Variants in CLASP1 observed in about 807,000 individuals in gnomAD.
The protein encoded by CLASP1 is CLIP-associating protein 1.
Under a neutral mutation model 192.3 loss-of-function variants are expected in CLASP1, and 38 were observed. The ratio of observed to expected loss-of-function variants is 0.20; its 90% CI spans 0.15 to 0.26. CLASP1 has a LOEUF of 0.26. Among genes scored for constraint, CLASP1 ranks in the 10% least tolerant of loss-of-function variants. The pLI is 1.00. For missense variants in CLASP1, 1,433 were observed against 1,932.5 expected (o/e 0.74, Z 4.85); for synonymous variants, 691 against 712.8 (o/e 0.97, Z 0.49).
chr2:121,372,652 T>C (rs936833944), intron 34 of CLASP1, among the ~76,000 whole-genome samples: 2 of 152,256 alleles, frequency 1.3e-5, no homozygotes, highest in Non-Finnish European at 2.9e-5. Context: ...GATTCTTCTG[T>C]TTCTGCTCAT....
At chr2:121,354,522 T>G (rs1388063617) in intron 37 of CLASP1, among the ~76,000 whole-genome samples, 3 of 152,250 alleles carry the variant, frequency 2.0e-5, no homozygotes, top group Non-Finnish European at 1.5e-5. Context: ...TGGTGAAAAG[T>G]GGAAGGAGAC....
intron 2 of CLASP1, chr2:121,530,858 CA>C (rs750662722): frequency 3.3e-5 from 22 of 668,532 alleles, no homozygotes; most frequent in Non-Finnish European, 5.8e-5. Flanking sequence ...TTCCTGCTTG[CA>C]GCCCAGGGAC....
At chr2:121,452,562 G>A (rs1457838296) in intron 14 of CLASP1, among the ~76,000 whole-genome samples, 3 of 151,880 alleles carry the variant, frequency 2.0e-5, no homozygotes, top group South Asian at 4.2e-4. Context: ...AGGCCAAGGC[G>A]GGCGGATCAC....
chr2:121,398,493 T>G, intron 28 of CLASP1, 93 bp from the exon 30 acceptor site: 2 of 862,870 alleles, frequency 2.3e-6, no homozygotes, highest in Middle Eastern at 3.3e-4. Flanking sequence ...TGTAAGTTAA[T>G]GTATGTAAAA....
At chr2:121,532,965 T>A (rs1036126141) in intron 2 of CLASP1, among the ~76,000 whole-genome samples, 1 of 152,220 alleles carries the variant, frequency 6.6e-6, no homozygotes, top group African/African-American at 2.4e-5. Context: ...CACAGTTGCA[T>A]TACTGGTTGC....
At chr2:121,465,370 C>A (rs1312207047) in intron 9 of CLASP1, among the ~76,000 whole-genome samples, 2 of 152,092 alleles carry the variant, frequency 1.3e-5, no homozygotes, top group Non-Finnish European at 2.9e-5. Flanking sequence ...TTCTTATACA[C>A]CAATAACAGA....
At chr2:121,392,248 A>G (rs1327969765) in intron 30 of CLASP1, among the ~76,000 whole-genome samples, 2 of 152,234 alleles carry the variant, frequency 1.3e-5, no homozygotes, top group Non-Finnish European at 2.9e-5. Context: ...ATGTAAACAT[A>G]TAATTAAAAT....
At chr2:121,478,989 A>C (rs1455355380) in intron 8 of CLASP1, among the ~76,000 whole-genome samples, 4 of 51,210 alleles carry the variant, frequency 7.8e-5, no homozygotes, top group South Asian at 7.1e-4. Flanking sequence ...CACACCACAC[A>C]CCCCACACAC....
intron 2 of CLASP1, among the ~76,000 whole-genome samples, chr2:121,577,935 GATTA>G (rs1313152780): frequency 6.6e-6 from 1 of 151,926 alleles, no homozygotes; most frequent in African/African-American, 2.4e-5. Flanking sequence ...CTGATTGATT[GATTA>G]ATTGACTGAT....
intron 30 of CLASP1, among the ~76,000 whole-genome samples, chr2:121,389,840 G>A (rs2074034418): frequency 6.6e-6 from 1 of 152,138 alleles, no homozygotes; most frequent in South Asian, 2.1e-4. Flanking sequence ...TCTAGAAACG[G>A]TAGAAAGTAT....
At chr2:121,404,524 T>C (rs993428006) in intron 25 of CLASP1, 90 bp from the exon 27 acceptor site, 7 of 1,156,068 alleles carry the variant, frequency 6.1e-6, no homozygotes, top group Non-Finnish European at 8.8e-6. Context: ...TAGAGTGCAG[T>C]GGTGCGATCA....
intron 1 of CLASP1, among the ~76,000 whole-genome samples, chr2:121,644,209 GCA>G (rs1292150342): frequency 6.6e-6 from 1 of 152,112 alleles, no homozygotes; most frequent in Non-Finnish European, 1.5e-5. Flanking sequence ...TAAAATCACA[GCA>G]CTTGTAAGTG....
chr2:121,520,048 G>GCTTTA (rs756504792), intron 6 of CLASP1, among the ~76,000 whole-genome samples: 1 of 152,208 alleles, frequency 6.6e-6, no homozygotes, highest in Admixed American at 6.5e-5. Flanking sequence ...TTATATGTAT[G>GCTTTA]CTTTACAGAA....
chr2:121,545,737 A>G (rs1458415414), intron 2 of CLASP1, among the ~76,000 whole-genome samples: 1 of 152,142 alleles, frequency 6.6e-6, no homozygotes, highest in African/African-American at 2.4e-5. Flanking sequence ...AATATCTTCC[A>G]TATTTCATCA....
chr2:121,525,870 T>C (rs1300095121), exon 6 of CLASP1: 15 of 1,613,372 alleles, frequency 9.3e-6, no homozygotes, highest in Non-Finnish European at 1.1e-5. Flanking sequence ...TCCAAGTAAG[T>C]TGCATATATG....
chr2:121,351,604 G>C (rs935553753), intron 37 of CLASP1, among the ~76,000 whole-genome samples: 1 of 152,318 alleles, frequency 6.6e-6, no homozygotes, highest in Admixed American at 6.5e-5. Flanking sequence ...TTGCAGCCCT[G>C]AGTAAAGGCT....
chr2:121,587,324 C>T (rs956638050), intron 2 of CLASP1, among the ~76,000 whole-genome samples: 5 of 152,176 alleles, frequency 3.3e-5, no homozygotes, highest in Admixed American at 2.0e-4. Context: ...TGCCCTCCCC[C>T]CATCCTTAGA....
intron 1 of CLASP1, among the ~76,000 whole-genome samples, chr2:121,637,794 G>A (rs968803878): frequency 1.3e-5 from 2 of 151,996 alleles, no homozygotes; most frequent in South Asian, 2.1e-4. Flanking sequence ...GCTGAGGCAG[G>A]AGAATGGCTT....
rs536019130 is a variant in CLASP1, at chr2:121,530,960, C to T, written c.196-635G>A. On this transcript the variant is annotated intron_variant, in intron 2 of 39. Transcript: ENST00000263710. ...TACTGCTAACGCCTGAACAACACAC[C>T]CGCATCAACTAGAGCTTTTGCTTTA... The T allele has an allele frequency of 6.3e-5, 44 of 700,390 alleles. 2 individuals are homozygous for T. Among genetic ancestry groups the T allele is most frequent in the African/African-American group, 4.0e-4 (23 of 57,292 alleles). 43.4% of individuals were successfully genotyped at this position (700,390 alleles called of 1,614,324 possible).
Sources: allele counts gnomAD v4.1 joint callset (sites outside exome capture counted in the v4.1 genomes callset), GRCh38; gene constraint gnomAD v4.1.1; transcripts MANE v1.5; gene names NCBI Gene and HGNC (gene_info 2026-07-23, HGNC 2026-07-21).